GNL3L: variants seen among roughly 807,000 people sequenced by gnomAD.
GNL3L encodes G protein nucleolar 3 like, also known as guanine nucleotide-binding protein-like 3-like protein.
Under a neutral mutation model 42.9 loss-of-function variants are expected in GNL3L, and 4 were observed. The observed-to-expected ratio is 0.09, with a 90% confidence interval of 0.05 to 0.21. The LOEUF (loss-of-function observed/expected upper bound fraction) is 0.21. Among genes scored for constraint, GNL3L ranks in the 10% least tolerant of loss-of-function variants. GNL3L has a pLI of 1.00. For missense variants in GNL3L, 412 were observed against 481.7 expected (o/e 0.86, Z 1.36); for synonymous variants, 159 against 176.3 (o/e 0.90, Z 0.78).
rs1601987229 is a variant in GNL3L at position 54,554,443 on chromosome X, A to G, written c.1319-122A>G. 4 of 630,711 alleles carry G rather than the reference A, an allele frequency of 6.3e-6. No homozygotes were observed. The African/African-American group carries it at 6.6e-5, about 10-fold the overall frequency. 52.0% of individuals were successfully genotyped at this position (630,711 alleles called of 1,213,427 possible). A position where few individuals can be genotyped will look rare whatever the true frequency, so the allele number is the denominator to read the frequency against. ...GTGATGTGGCCTCTCAGCAGGAGTG[A>G]AAAAGTTCCTGCACCTGACTCCCCT... On this transcript the variant is annotated intron_variant, in intron 13 of 15. Transcript: ENST00000360845.
At chrX:54,606,234 A>G (rs950495674) in intron 16 of GNL3L, among the ~76,000 whole-genome samples, 1 of 111,868 alleles carries the variant, frequency 8.9e-6, no homozygotes, top group Admixed American at 9.5e-5. Context: ...GTATACGCAT[A>G]TAATGAGATT....
chrX:54,574,647 A>C, intron 16 of GNL3L, among the ~76,000 whole-genome samples: 1 of 112,130 alleles, frequency 8.9e-6, no homozygotes, highest in Non-Finnish European at 1.9e-5. Context: ...CTTATAGAAT[A>C]AGTTGGGAAG....
chrX:54,632,887 G>A, the GNL3L span, among the ~76,000 whole-genome samples: 1 of 111,421 alleles, frequency 9.0e-6, no homozygotes, highest in Non-Finnish European at 1.9e-5. Flanking sequence ...TTCTCATTTT[G>A]GTAGACTATG....
downstream of GNL3L, among the ~76,000 whole-genome samples, chrX:54,567,376 G>C: frequency 9.1e-6 from 1 of 110,389 alleles, no homozygotes; most frequent in Non-Finnish European, 1.9e-5. Context: ...GCCAGGTGCG[G>C]TGGCTCACGC....
rs1742338243 is a variant in GNL3L at position 54,566,717 on chromosome X, G to A, written c.*6115G>A. Among the ~76,000 whole-genome samples, 1 of 112,194 alleles carries A rather than the reference G, an allele frequency of 8.9e-6. No individual in the cohort carries two copies. The highest frequency in any genetic ancestry group is 3.7e-4 in the South Asian group (1 of 2,731). On this transcript the variant is annotated 3_prime_UTR_variant, in exon 16 of 16. Coordinates refer to ENST00000360845, the MANE Select transcript of GNL3L (RefSeq NM_001184819.2). ...TATCCATTCATCCACTGATGGACAT[G>A]TGCATTGTTCCCACCTTTTGGCTAT...
At chrX:54,571,405 C>T (rs757509730), downstream of GNL3L, among the ~76,000 whole-genome samples, 1 of 108,665 alleles carries the variant, frequency 9.2e-6, no homozygotes, top group African/African-American at 3.4e-5. Context: ...CCGTGTTAGC[C>T]AGGATGGTCT....
intron 8 of GNL3L, among the ~76,000 whole-genome samples, chrX:54,547,068 G>A (rs1178531224): frequency 1.1e-5 from 1 of 91,921 alleles, no homozygotes; most frequent in Non-Finnish European, 2.2e-5. Flanking sequence ...GCAATCTTGG[G>A]TCACTGCAAC....
intron 16 of GNL3L, among the ~76,000 whole-genome samples, chrX:54,598,828 G>T (rs1337359404): frequency 2.7e-5 from 3 of 111,250 alleles, no homozygotes; most frequent in African/African-American, 6.5e-5. Context: ...TAAATCGCAA[G>T]ATATAAAAGG....
chrX:54,599,790 T>C (rs2147525990), intron 16 of GNL3L, among the ~76,000 whole-genome samples: 1 of 111,249 alleles, frequency 9.0e-6, no homozygotes, highest in African/African-American at 3.3e-5. Context: ...TAATTTCTAC[T>C]GTTCAATGTT....
At chrX:54,619,388 A>G (rs1926260015) in intron 16 of GNL3L, among the ~76,000 whole-genome samples, 1 of 111,607 alleles carries the variant, frequency 9.0e-6, no homozygotes, top group South Asian at 3.7e-4. Context: ...TAGTGTATTA[A>G]TCTCATTTCT....
At chrX:54,553,749 C>T (rs1052526149) in intron 13 of GNL3L, among the ~76,000 whole-genome samples, 14 of 111,214 alleles carry the variant, frequency 1.3e-4, no homozygotes, top group African/African-American at 4.6e-4. Flanking sequence ...CCATGTTGGC[C>T]AGGCTGGTCT....
chrX:54,644,935 T>A, the GNL3L span, among the ~76,000 whole-genome samples: 1 of 111,887 alleles, frequency 8.9e-6, no homozygotes, highest in Non-Finnish European at 1.9e-5. Context: ...ATTTTTTATG[T>A]TAGTAGAATT....
chrX:54,597,417 C>A (rs1925943266), intron 16 of GNL3L, among the ~76,000 whole-genome samples: 1 of 110,847 alleles, frequency 9.0e-6, no homozygotes, highest in African/African-American at 3.3e-5. Context: ...TTCCAAGATG[C>A]AAAGTAAAGT....
chrX:54,571,595 G>T (rs1351127347), downstream of GNL3L, among the ~76,000 whole-genome samples: 1 of 105,772 alleles, frequency 9.5e-6, no homozygotes, highest in Non-Finnish European at 1.9e-5. Context: ...TCCGCCTTGC[G>T]AGCAGCTGAG....
intron 16 of GNL3L, among the ~76,000 whole-genome samples, chrX:54,599,623 G>A (rs1334998579): frequency 9.0e-6 from 1 of 111,135 alleles, no homozygotes; most frequent in Non-Finnish European, 1.9e-5. Context: ...CATTATTTCT[G>A]AGTAGTGTTT....
At chrX:54,554,715 G>T in intron 14 of GNL3L, 23 bp downstream of exon 14, 1 of 1,191,653 alleles carries the variant, frequency 8.4e-7, no homozygotes. Flanking sequence ...TTTGTTCATG[G>T]CAACCCTCTT....
intron 14 of GNL3L, among the ~76,000 whole-genome samples, chrX:54,557,163 C>T (rs1480291279): frequency 3.7e-5 from 4 of 108,178 alleles, no homozygotes; most frequent in Non-Finnish European, 7.7e-5. Context: ...TCCTGGGCAA[C>T]AGAGCGAAAC....
At chrX:54,534,299 A>C (rs1040160171) in intron 2 of GNL3L, among the ~76,000 whole-genome samples, 3 of 110,513 alleles carry the variant, frequency 2.7e-5, no homozygotes, top group East Asian at 2.8e-4. Flanking sequence ...TGAAAACAAC[A>C]ACCACCTTTT....
chrX:54,558,719 T>C, intron 15 of GNL3L, 64 bp downstream of exon 15: 4 of 834,702 alleles, frequency 4.8e-6, no homozygotes, highest in Non-Finnish European at 6.9e-6. Flanking sequence ...TTTTGTTTTT[T>C]TTTTCTGGCT....
Sources: gnomAD v4.1 joint callset for allele counts (sites outside exome capture counted in the v4.1 genomes callset) on GRCh38, gnomAD v4.1.1 for gene constraint, MANE v1.5 for transcripts, NCBI Gene and HGNC (gene_info 2026-07-23, HGNC 2026-07-21) for gene names.